The following OR2L13 variants were observed in gnomAD, a reference collection of about 807,000 sequenced individuals.
The protein encoded by OR2L13 is olfactory receptor 2L13.
Under a neutral mutation model 15.3 loss-of-function variants are expected in OR2L13, and 14 were observed. The ratio of observed to expected loss-of-function variants is 0.91; its 90% CI spans 0.60 to 1.43. OR2L13 has a LOEUF of 1.43. Ranked by LOEUF, OR2L13 falls within the 40% of genes most tolerant of loss-of-function variation. The pLI is 0.00. For synonymous variants in OR2L13, 152 were observed against 142.9 expected, an observed-to-expected ratio of 1.06 and a Z score of -0.45; for missense variants, 367 against 387.9, an observed-to-expected ratio of 0.95 and a Z score of 0.45.
At chr1:248,073,774 A>T in the OR2L13 span, among the ~76,000 whole-genome samples, 1 of 151,986 alleles carries the variant, frequency 6.6e-6, no homozygotes, top group Non-Finnish European at 1.5e-5. Context: ...ATTATAGAAA[A>T]GTTAATATGT....
chr1:248,098,218 T>A (rs893369924), intron 1 of OR2L13, among the ~76,000 whole-genome samples: 2 of 152,232 alleles, frequency 1.3e-5, no homozygotes, highest in Admixed American at 6.5e-5. Flanking sequence ...ATTGTTTGTA[T>A]AATTATCTCA....
At chr1:248,012,219 C>T in the OR2L13 span, among the ~76,000 whole-genome samples, 5 of 152,246 alleles carry the variant, frequency 3.3e-5, no homozygotes, top group East Asian at 1.9e-4. Context: ...GGGTTCCCTT[C>T]TTCTCTGGAT....
At chr1:248,074,819 C>T in the OR2L13 span, among the ~76,000 whole-genome samples, 992 of 152,204 alleles carry the variant, frequency 6.5e-3, 18 homozygotes, top group African/African-American at 0.023. Flanking sequence ...CCCCTTGAAT[C>T]TAAAATACAA....
At chr1:247,939,193 T>C in the OR2L13 span, 5 of 152,158 alleles carry the variant, frequency 3.3e-5, no homozygotes, top group African/African-American at 1.2e-4. Flanking sequence ...TTGAAACTTA[T>C]TTTAGGAAAG....
At chr1:248,073,004 A>G in the OR2L13 span, among the ~76,000 whole-genome samples, 1 of 151,088 alleles carries the variant, frequency 6.6e-6, no homozygotes, top group African/African-American at 2.4e-5. Flanking sequence ...GTGGAGAAAT[A>G]GGAACACTTT....
the OR2L13 span, chr1:248,004,078 T>A: frequency 1.3e-6 from 2 of 1,596,274 alleles, no homozygotes; most frequent in East Asian, 4.5e-5. Context: ...AGAAACACTT[T>A]CTGCCTAAGG....
At chr1:247,960,549 A>G in the OR2L13 span, among the ~76,000 whole-genome samples, 1 of 152,180 alleles carries the variant, frequency 6.6e-6, no homozygotes, top group Admixed American at 6.5e-5. Context: ...TGGAGTTTAC[A>G]GAGGCAGGCA....
chr1:248,026,267 C>T, the OR2L13 span, among the ~76,000 whole-genome samples: 223 of 152,296 alleles, frequency 1.5e-3, no homozygotes, highest in African/African-American at 5.0e-3. Context: ...TTGAACAACG[C>T]GGACTTGAAC....
At chr1:248,025,954 TG>T in the OR2L13 span, among the ~76,000 whole-genome samples, 1 of 116,518 alleles carries the variant, frequency 8.6e-6, no homozygotes, top group Non-Finnish European at 1.6e-5. Context: ...TGTTGTGAGG[TG>T]GGGGGAGGGG....
exon 3 of OR2L13, chr1:248,099,593 T>C (rs1664805820): frequency 6.2e-7 from 1 of 1,613,848 alleles, no homozygotes; most frequent in African/African-American, 1.3e-5. Flanking sequence ...CTGATGTACA[T>C]CTCCACCACC....
chr1:248,079,431 G>C, the OR2L13 span, among the ~76,000 whole-genome samples: 6 of 152,032 alleles, frequency 3.9e-5, no homozygotes, highest in Admixed American at 1.3e-4. Flanking sequence ...CATTTTTTGT[G>C]TGTGAAATTG....
the OR2L13 span, among the ~76,000 whole-genome samples, chr1:248,018,884 A>G: frequency 6.6e-6 from 1 of 152,192 alleles, no homozygotes; most frequent in African/African-American, 2.4e-5. Flanking sequence ...TACTTCATGT[A>G]GGAGAATTCA....
the OR2L13 span, among the ~76,000 whole-genome samples, chr1:248,047,761 A>G: frequency 6.6e-6 from 1 of 152,238 alleles, no homozygotes; most frequent in African/African-American, 2.4e-5. Context: ...CTCTACAGTC[A>G]TAGCGGATAA....
At chr1:248,015,718 G>T in the OR2L13 span, among the ~76,000 whole-genome samples, 2 of 152,086 alleles carry the variant, frequency 1.3e-5, no homozygotes, top group Non-Finnish European at 2.9e-5. Context: ...AGTTCAATCT[G>T]ATTTCTTACA....
At chr1:248,006,750 A>G in the OR2L13 span, among the ~76,000 whole-genome samples, 7 of 152,080 alleles carry the variant, frequency 4.6e-5, no homozygotes, top group African/African-American at 1.7e-4. Flanking sequence ...AAGGCTTGAG[A>G]GAGCTTGTTT....
chr1:247,945,671 G>A, the OR2L13 span, among the ~76,000 whole-genome samples: 893 of 152,224 alleles, frequency 5.9e-3, 13 homozygotes, highest in African/African-American at 0.02. Context: ...TTATGCATCC[G>A]GGTGCTCCTG....
the OR2L13 span, among the ~76,000 whole-genome samples, chr1:247,975,954 AAT>A: frequency 6.6e-6 from 1 of 152,138 alleles, no homozygotes; most frequent in Non-Finnish European, 1.5e-5. Context: ...CATTCAGCAT[AAT>A]AGTTATATGT....
the OR2L13 span, among the ~76,000 whole-genome samples, chr1:248,030,903 T>C: frequency 6.0e-4 from 92 of 152,316 alleles, no homozygotes; most frequent in South Asian, 0.019. Flanking sequence ...GGTTGAAGGC[T>C]GGTTTTTCTA....
chr1:248,098,100 A>G (rs6587421), intron 1 of OR2L13, among the ~76,000 whole-genome samples: 151,735 of 152,362 alleles, frequency 1, 75,561 homozygotes, highest in Middle Eastern at 1. Flanking sequence ...GTCGTTTGGA[A>G]TACTTTTTGA....
Sources: allele counts gnomAD v4.1 joint callset (sites outside exome capture counted in the v4.1 genomes callset), GRCh38; gene constraint gnomAD v4.1.1; transcripts MANE v1.5; gene names NCBI Gene and HGNC (gene_info 2026-07-23, HGNC 2026-07-21).